DPEP1: variants seen among roughly 807,000 people sequenced by gnomAD.
DPEP1 encodes the protein beta-lactamase.
In DPEP1, 50 loss-of-function variants were observed where a neutral mutation model predicts 42.3. The ratio of observed to expected loss-of-function variants is 1.18; its 90% confidence interval spans 0.94 to 1.50. DPEP1 has a LOEUF of 1.50. Among genes scored for constraint, DPEP1 ranks in the 40% most tolerant of loss-of-function variants. The pLI, the probability that DPEP1 is intolerant of heterozygous loss-of-function variation, is 0.00. For synonymous variants in DPEP1, 297 were observed against 234.0 expected (o/e 1.27, Z -2.46); for missense variants, 663 against 553.0 (o/e 1.20, Z -1.99).
chr16:89,617,383 G>A (rs1382709433), intron 1 of DPEP1, among the ~76,000 whole-genome samples: 8 of 152,184 alleles, frequency 5.3e-5, no homozygotes, highest in Admixed American at 1.3e-4. Context: ...CCTCAGCACG[G>A]TGCCTGCATG....
intron 2 of DPEP1, among the ~76,000 whole-genome samples, chr16:89,633,492 G>C (rs2059615877): frequency 4.6e-5 from 7 of 152,230 alleles, no homozygotes. Flanking sequence ...AGCTCCATGG[G>C]TGCATTCGCC....
chr16:89,635,171 C>G (rs968315961), intron 2 of DPEP1, among the ~76,000 whole-genome samples: 3 of 126,188 alleles, frequency 2.4e-5, no homozygotes, highest in Non-Finnish European at 3.4e-5. Context: ...TTCCCTTTCC[C>G]TTCCTTCTCC....
chr16:89,633,388 C>T (rs753502041), intron 2 of DPEP1, among the ~76,000 whole-genome samples: 4 of 152,196 alleles, frequency 2.6e-5, no homozygotes, highest in African/African-American at 9.6e-5. Flanking sequence ...GGCCGGAAAG[C>T]GTGCCAGGCT....
chr16:89,622,908 C>T (rs1218817432), intron 1 of DPEP1, among the ~76,000 whole-genome samples: 2 of 152,070 alleles, frequency 1.3e-5, no homozygotes, highest in African/African-American at 2.4e-5. Flanking sequence ...TAGGGGGCCT[C>T]ACTGGGAACG....
Position 89,636,860 on chromosome 16 carries a change from C to T in DPEP1, c.522-6C>T, listed in dbSNP as rs1272876299. ...CCTCTTGGGCACCTGCCTTTTGCTT[C>T]TCCAGGGCTGACAACTGGCTGGTGG... On this transcript the variant is annotated splice_region_variant and splice_polypyrimidine_tract_variant and intron_variant, in intron 5 of 10. Transcript: ENST00000690203. 3 of 1,612,412 alleles carry T rather than the reference C, an allele frequency of 1.9e-6. No individual in the cohort carries two copies. Among genetic ancestry groups the T allele is most frequent in the Admixed American group, 1.7e-5 (1 of 59,988 alleles).
intron 1 of DPEP1, among the ~76,000 whole-genome samples, chr16:89,623,949 G>A (rs1290345319): frequency 6.6e-6 from 1 of 152,162 alleles, no homozygotes; most frequent in Non-Finnish European, 1.5e-5. Flanking sequence ...GCAGCTCCAG[G>A]CCTGGAGGGA....
intron 1 of DPEP1, among the ~76,000 whole-genome samples, chr16:89,625,178 C>G (rs1033680712): frequency 6.6e-6 from 1 of 152,014 alleles, no homozygotes; most frequent in Non-Finnish European, 1.5e-5. Context: ...TTGGTGTTTT[C>G]TCTTTTAGGA....
chr16:89,627,859 C>A (rs2059536238), intron 1 of DPEP1, among the ~76,000 whole-genome samples: 1 of 151,686 alleles, frequency 6.6e-6, no homozygotes, highest in Non-Finnish European at 1.5e-5. Context: ...GGGGTTTCAC[C>A]ATGTTGGTCA....
At chr16:89,631,223 G>T (rs1424744451) in intron 2 of DPEP1, among the ~76,000 whole-genome samples, 5 of 152,244 alleles carry the variant, frequency 3.3e-5, no homozygotes, top group African/African-American at 1.2e-4. Context: ...GCTGCGCTGT[G>T]TGCCCACCCG....
intron 1 of DPEP1, chr16:89,626,349 G>A (rs887258316): frequency 6.6e-6 from 1 of 152,150 alleles, no homozygotes; most frequent in African/African-American, 2.4e-5. Flanking sequence ...GTTTTTGTTG[G>A]TGGTGGTGGT....
chr16:89,638,710 C>CT (rs2059716022), downstream of DPEP1, among the ~76,000 whole-genome samples: 1 of 114,360 alleles, frequency 8.7e-6, no homozygotes, highest in Non-Finnish European at 2.0e-5. Flanking sequence ...ACACACACAC[C>CT]GCACCCCTGC....
At chr16:89,625,781 G>C (rs1159512270) in intron 1 of DPEP1, among the ~76,000 whole-genome samples, 1 of 152,224 alleles carries the variant, frequency 6.6e-6, no homozygotes, top group Admixed American at 6.5e-5. Context: ...TGGTACCTTT[G>C]TGCTCACAGC....
At chr16:89,627,691 T>C (rs1211578627) in intron 1 of DPEP1, among the ~76,000 whole-genome samples, 3 of 130,166 alleles carry the variant, frequency 2.3e-5, no homozygotes, top group African/African-American at 8.7e-5. Context: ...AACGGAGTCT[T>C]GCTCTGCCAC....
chr16:89,629,930 G>A (rs2059562777), intron 1 of DPEP1, among the ~76,000 whole-genome samples: 2 of 152,188 alleles, frequency 1.3e-5, no homozygotes. Flanking sequence ...GTGGAAAGGG[G>A]TGCTTTATGA....
chr16:89,640,192 A>AC (rs904889101), downstream of DPEP1, among the ~76,000 whole-genome samples: 16 of 151,704 alleles, frequency 1.1e-4, no homozygotes, highest in South Asian at 2.1e-4. Flanking sequence ...GCAGGACAGG[A>AC]CCCCCCACGC....
chr16:89,632,236 A>G (rs929260303), intron 2 of DPEP1, among the ~76,000 whole-genome samples: 2 of 152,040 alleles, frequency 1.3e-5, no homozygotes, highest in Admixed American at 1.3e-4. Flanking sequence ...TATTTTTAGT[A>G]GAGACAGGGT....
At chr16:89,639,725 AC>A (rs199713124), downstream of DPEP1, among the ~76,000 whole-genome samples, 2,367 of 151,996 alleles carry the variant, frequency 0.016, 16 homozygotes, top group Non-Finnish European at 0.026. Flanking sequence ...TCGCTCCGTC[AC>A]CCAGGCTGGA....
At chr16:89,637,433 G>C in intron 7 of DPEP1, 35 bp from the exon 8 acceptor site, 5 of 1,612,752 alleles carry the variant, frequency 3.1e-6, no homozygotes, top group Non-Finnish European at 4.2e-6. Context: ...GGCCCTCCCA[G>C]CTCTCAGCTT....
intron 1 of DPEP1, among the ~76,000 whole-genome samples, chr16:89,624,256 T>A (rs760246672): frequency 6.6e-6 from 1 of 151,964 alleles, no homozygotes; most frequent in African/African-American, 2.4e-5. Context: ...GTTTGGCTCA[T>A]GGTTGTGGAG....
Sources: gnomAD v4.1 joint callset for allele counts (sites outside exome capture counted in the v4.1 genomes callset) on GRCh38, gnomAD v4.1.1 for gene constraint, MANE v1.5 for transcripts, NCBI Gene and HGNC (gene_info 2026-07-23, HGNC 2026-07-21) for gene names.